The following PUS10 variants were observed in gnomAD, a reference collection of about 807,000 sequenced individuals.
PUS10 encodes pseudouridine synthase 10, also known as tRNA pseudouridine synthase Pus10.
A neutral mutation model predicts 75.0 loss-of-function variants in PUS10; 59 were observed. That is an observed-to-expected ratio of 0.79 (90% CI 0.64 to 0.98). The LOEUF (loss-of-function observed/expected upper bound fraction) is 0.98. Among genes scored for constraint, PUS10 ranks in the 50% least tolerant of loss-of-function variants. PUS10 has a pLI of 0.00. For synonymous variants in PUS10, 219 were observed against 211.6 expected (o/e 1.03, Z -0.30); for missense variants, 650 against 614.4 (o/e 1.06, Z -0.61).
chr2:60,965,569 A>C, intron 6 of PUS10, 85 bp from the exon 7 acceptor site: 13 of 990,824 alleles, frequency 1.3e-5, no homozygotes, highest in Non-Finnish European at 2.0e-5. Context: ...ATTAATTCTC[A>C]AAGATTGGCT....
At chr2:60,995,141 C>T (rs2104592330) in intron 4 of PUS10, among the ~76,000 whole-genome samples, 1 of 152,264 alleles carries the variant, frequency 6.6e-6, no homozygotes, top group South Asian at 2.1e-4. Context: ...CAAATCCTAG[C>T]TCTGCTATTT....
chr2:60,946,821 T>C (rs574491803), intron 16 of PUS10, among the ~76,000 whole-genome samples: 2 of 140,542 alleles, frequency 1.4e-5, no homozygotes, highest in African/African-American at 2.7e-5. Flanking sequence ...TTCCCATATA[T>C]ATATATCTAG....
At chr2:60,985,579 C>T (rs1012297118) in intron 4 of PUS10, among the ~76,000 whole-genome samples, 3 of 152,122 alleles carry the variant, frequency 2.0e-5, no homozygotes, top group African/African-American at 7.2e-5. Flanking sequence ...CAGCTCACTA[C>T]AACCTCTGAT....
intron 4 of PUS10, among the ~76,000 whole-genome samples, chr2:60,991,115 G>A (rs886740034): frequency 8.5e-5 from 13 of 152,186 alleles, no homozygotes; most frequent in African/African-American, 3.1e-4. Flanking sequence ...CTGGGCTCAG[G>A]CAATCCTCCT....
chr2:60,962,534 A>G (rs1676090920), intron 9 of PUS10, among the ~76,000 whole-genome samples: 2 of 152,168 alleles, frequency 1.3e-5, no homozygotes, highest in African/African-American at 2.4e-5. Flanking sequence ...AGACTGCTCC[A>G]CTGCACTCCA....
intron 1 of PUS10, among the ~76,000 whole-genome samples, chr2:61,016,105 T>C (rs541543364): frequency 6.6e-6 from 1 of 152,346 alleles, no homozygotes; most frequent in East Asian, 1.9e-4. Flanking sequence ...ATGTTTATTT[T>C]TCCAGTAAGT....
chr2:61,012,611 G>T (rs905376151), intron 1 of PUS10, among the ~76,000 whole-genome samples: 2 of 150,094 alleles, frequency 1.3e-5, no homozygotes, highest in African/African-American at 2.5e-5. Flanking sequence ...ATCACCTGGG[G>T]TCAGGAGTTT....
chr2:61,014,853 ACTTC>A (rs1679865626), intron 1 of PUS10, among the ~76,000 whole-genome samples: 1 of 152,144 alleles, frequency 6.6e-6, no homozygotes, highest in Admixed American at 6.5e-5. Flanking sequence ...AACCTCTAAA[ACTTC>A]CTACTTACTT....
chr2:60,995,913 T>C (rs1453493669), intron 4 of PUS10, among the ~76,000 whole-genome samples: 1 of 152,228 alleles, frequency 6.6e-6, no homozygotes, highest in East Asian at 1.9e-4. Context: ...CCACAGCAAC[T>C]TCTTTTCTTC....
intron 4 of PUS10, among the ~76,000 whole-genome samples, chr2:60,980,156 T>C (rs1217625565): frequency 6.6e-6 from 1 of 152,204 alleles, no homozygotes; most frequent in Non-Finnish European, 1.5e-5. Context: ...AGTACTGTTC[T>C]TTAGTGTCAT....
intron 4 of PUS10, among the ~76,000 whole-genome samples, chr2:60,994,586 T>C (rs1444525251): frequency 7.2e-5 from 11 of 152,244 alleles, no homozygotes; most frequent in Admixed American, 6.5e-4. Flanking sequence ...GTTATCATTT[T>C]AGAGAATCAC....
rs762830504 is a variant in PUS10, at chr2:60,948,119, G to T, written c.1375C>A (p.Arg459Ser). The T allele has an allele frequency of 2.5e-6, 4 of 1,614,064 alleles. No individual in the cohort carries two copies. In the Admixed American group the frequency reaches 6.7e-5, roughly 27 times the overall value. ...LHRRPLAVRA[R>S]VIHFMETQYV... ...TGTGTCTCCATGAAGTGAATGACGCGAGCTCGCACAGCCAGGGGCCTTCGG... is the reference window on the plus strand; with the variant it reads ...TGTGTCTCCATGAAGTGAATGACGCTAGCTCGCACAGCCAGGGGCCTTCGG... Residue 459 changes from arginine (R) to serine (S), a missense_variant, in exon 16 of 18, where the codon CGC becomes AGC. By Grantham distance (110) the Arg-to-Ser change is moderately radical. Coordinates refer to ENST00000316752, the MANE Select transcript of PUS10 (RefSeq NM_144709.4).
At chr2:60,966,981 G>C (rs1676376599) in intron 6 of PUS10, 2 of 152,520 alleles carry the variant, frequency 1.3e-5, no homozygotes, top group Admixed American at 6.5e-5. Context: ...CTGAGGTAAG[G>C]TCTGCTCTGG....
chr2:60,971,802 C>T (rs542961264), intron 4 of PUS10, among the ~76,000 whole-genome samples: 1 of 151,750 alleles, frequency 6.6e-6, no homozygotes, highest in African/African-American at 2.4e-5. Context: ...TATCCCCCTC[C>T]TCCTTACAGA....
intron 4 of PUS10, among the ~76,000 whole-genome samples, chr2:60,984,767 T>C (rs928072961): frequency 1.3e-5 from 2 of 152,198 alleles, no homozygotes; most frequent in Non-Finnish European, 2.9e-5. Flanking sequence ...TCTAACACAG[T>C]TGAAGGTTGT....
intron 4 of PUS10, among the ~76,000 whole-genome samples, chr2:60,991,381 C>T (rs1678065599): frequency 6.6e-6 from 1 of 152,118 alleles, no homozygotes; most frequent in African/African-American, 2.4e-5. Flanking sequence ...TTAAAACACA[C>T]ACAATGAAAT....
chr2:60,947,284 G>T (rs1365026304), intron 16 of PUS10, among the ~76,000 whole-genome samples: 1 of 152,140 alleles, frequency 6.6e-6, no homozygotes, highest in Admixed American at 6.5e-5. Context: ...GCCAAGTAAA[G>T]ATCCTGATGT....
At chr2:60,960,311 T>A (rs1432761787) in intron 11 of PUS10, 81 bp downstream of exon 11, 10 of 1,112,618 alleles carry the variant, frequency 9.0e-6, no homozygotes, top group Non-Finnish European at 1.1e-5. Context: ...GCTACTGCAA[T>A]CTAGCCTAGT....
intron 14 of PUS10, 71 bp downstream of exon 14, chr2:60,953,862 C>T: frequency 8.8e-7 from 1 of 1,142,406 alleles, no homozygotes; most frequent in South Asian, 1.2e-5. Context: ...GGATGCAATT[C>T]CCTTATCAAG....
Sources: allele counts gnomAD v4.1 joint callset (sites outside exome capture counted in the v4.1 genomes callset), GRCh38; gene constraint gnomAD v4.1.1; transcripts MANE v1.5; gene names NCBI Gene and HGNC (gene_info 2026-07-23, HGNC 2026-07-21).